Variants in PCDHGA12 observed in about 807,000 individuals in gnomAD.
PCDHGA12 encodes the protein protocadherin gamma subfamily A, 12, also known as protocadherin gamma-A12.
In PCDHGA12, 43 loss-of-function variants were observed where a neutral mutation model predicts 61.1. The observed-to-expected ratio is 0.70, with a 90% CI of 0.55 to 0.91. The LOEUF (loss-of-function observed/expected upper bound fraction) is 0.91, where lower values mean the gene tolerates loss of function less well. PCDHGA12 is among the 40% of genes least tolerant of loss of function. PCDHGA12 has a pLI of 0.00. For missense variants in PCDHGA12, 1,236 were observed against 1,227.7 expected, an observed-to-expected ratio of 1.01 and a Z score of -0.10; for synonymous variants, 520 against 542.9, an observed-to-expected ratio of 0.96 and a Z score of 0.59.
chr5:141,482,611 G>C (rs1016481108), intron 1 of PCDHGA12, among the ~76,000 whole-genome samples: 4 of 150,398 alleles, frequency 2.7e-5, no homozygotes, highest in Non-Finnish European at 5.9e-5. Context: ...ACACCTAAAT[G>C]AGCCTGGAGA....
intron 2 of PCDHGA12, 62 bp downstream of exon 2, chr5:141,494,927 G>C: frequency 6.2e-7 from 1 of 1,613,516 alleles, no homozygotes; most frequent in Non-Finnish European, 8.5e-7. Context: ...GATGACGTGG[G>C]AGGAGATGGG....
chr5:141,474,518 G>T (rs1054372142), intron 1 of PCDHGA12, among the ~76,000 whole-genome samples: 1 of 152,168 alleles, frequency 6.6e-6, no homozygotes, highest in African/African-American at 2.4e-5. Context: ...CCTCTTGCTG[G>T]TCTGGCTAAT....
At chr5:141,494,355 G>T (rs910437011) in intron 1 of PCDHGA12, among the ~76,000 whole-genome samples, 4 of 152,234 alleles carry the variant, frequency 2.6e-5, no homozygotes, top group African/African-American at 9.6e-5. Flanking sequence ...CCATCTTGCT[G>T]CAGAGGATGC....
chr5:141,489,427 C>G lies in PCDHGA12; in HGVS notation c.2425-5380C>G, dbSNP rs370540900. ...AAAGATGACAGATCTGTTGAGCCGG[C>G]GGCTGCAATTGGGCTCTGAGGAGAA... On this transcript the variant is annotated intron_variant, in intron 1 of 3. Transcript: ENST00000252085. The surrounding 1 kb of genome is among the most constrained non-coding windows in gnomAD (Gnocchi z 4.5). 6.2e-7 allele frequency: 1 copy of G among 1,614,108 alleles called. No homozygotes were observed. Among genetic ancestry groups the G allele is most frequent in the South Asian group, 1.1e-5 (1 of 91,086 alleles).
At position 141,491,687 on chromosome 5, in the gene PCDHGA12, G is replaced by T. The variant is rs946829558; in HGVS notation, c.2425-3120G>T. 6.2e-7 allele frequency: 1 copy of T among 1,613,072 alleles called. No individual in the cohort carries two copies. Among genetic ancestry groups the T allele is most frequent in the African/African-American group, 1.3e-5 (1 of 75,046 alleles). On this transcript the variant is annotated intron_variant, in intron 1 of 3. Transcript: ENST00000252085. This position sits in a 1 kb window ranked among gnomAD's most constrained non-coding sequence, Gnocchi z 6.9. ...ATCCGGTCCCGCTCTAATACGCTGC[G>T]GGAGCGGAGCCAGGTGAGGGGCTCG...
intron 2 of PCDHGA12, among the ~76,000 whole-genome samples, chr5:141,500,806 T>C (rs2099802700): frequency 6.6e-6 from 1 of 152,240 alleles, no homozygotes; most frequent in Non-Finnish European, 1.5e-5. Context: ...AGTCCTCATA[T>C]GAATATACAT....
intron 1 of PCDHGA12, among the ~76,000 whole-genome samples, chr5:141,466,735 T>C (rs2099128254): frequency 6.6e-6 from 1 of 152,224 alleles, no homozygotes; most frequent in South Asian, 2.1e-4. Context: ...GCAGAATTCA[T>C]GTTACTCTGA....
chr5:141,505,341 A>T, intron 2 of PCDHGA12, 52 bp from the exon 3 acceptor site: 1 of 1,612,728 alleles, frequency 6.2e-7, no homozygotes, highest in Non-Finnish European at 8.5e-7. Flanking sequence ...CAGGAGGGGC[A>T]TGAGCTGTGC....
At chr5:141,500,672 C>A (rs2099801937) in intron 2 of PCDHGA12, among the ~76,000 whole-genome samples, 1 of 152,156 alleles carries the variant, frequency 6.6e-6, no homozygotes, top group South Asian at 2.1e-4. Context: ...TACTGTCCAA[C>A]AGAATTATAG....
intron 1 of PCDHGA12, among the ~76,000 whole-genome samples, chr5:141,468,041 T>C (rs972340736): frequency 4.6e-5 from 7 of 152,120 alleles, no homozygotes; most frequent in Admixed American, 3.9e-4. Flanking sequence ...TTTAGAAAAC[T>C]AAGCCGGGCA....
intron 1 of PCDHGA12, among the ~76,000 whole-genome samples, chr5:141,472,980 C>CAAAAAAAAAAAAAAAAAGAAAAAA (rs2099309731): frequency 2.3e-5 from 2 of 86,106 alleles, no homozygotes; most frequent in Non-Finnish European, 5.0e-5. Flanking sequence ...GAGTGAAACT[C>CAAAAAAAAAAAAAAAAAGAAAAAA]AAAAAAAAAA....
chr5:141,509,273 C>T (rs1026035086), intron 3 of PCDHGA12, among the ~76,000 whole-genome samples: 1 of 152,098 alleles, frequency 6.6e-6, no homozygotes, highest in Admixed American at 6.5e-5. Flanking sequence ...CTCTCGCTAC[C>T]CGCTCCCAGG....
intron 3 of PCDHGA12, among the ~76,000 whole-genome samples, chr5:141,506,621 G>A (rs143369587): frequency 1.3e-5 from 2 of 152,178 alleles, no homozygotes; most frequent in African/African-American, 4.8e-5. Flanking sequence ...GTGTTACCAG[G>A]GCCAAATGCA....
At chr5:141,472,980 CAAA>C (rs60579131) in intron 1 of PCDHGA12, among the ~76,000 whole-genome samples, 10 of 86,092 alleles carry the variant, frequency 1.2e-4, no homozygotes, top group Non-Finnish European at 1.2e-4. Context: ...GAGTGAAACT[CAAA>C]AAAAAAAAAA....
chr5:141,478,415 C>G (rs182700706), intron 1 of PCDHGA12: 5 of 1,613,648 alleles, frequency 3.1e-6, no homozygotes, highest in Non-Finnish European at 4.2e-6. Context: ...CACGGACTCC[C>G]GCCGCAGCGA....
At chr5:141,468,330 C>CAAAAA (rs533390277) in intron 1 of PCDHGA12, 4 of 79,848 alleles carry the variant, frequency 5.0e-5, no homozygotes, top group African/African-American at 7.8e-5. Context: ...AACTCCATCT[C>CAAAAA]AAAAAAAAAA....
rs775081505 is a variant in PCDHGA12 at position 141,486,730 on chromosome 5, T to C, written c.2425-8077T>C. ...ACCCCCAGACAGGAGCTGTTCATGC[T>C]ACTCGATCCTTTGACTATGAGCAAA... On this transcript the variant is annotated intron_variant, in intron 1 of 3. Coordinates refer to ENST00000252085, the MANE Select transcript of PCDHGA12 (RefSeq NM_003735.3). This position sits in a 1 kb window ranked among gnomAD's most constrained non-coding sequence, Gnocchi z 5.0. 1 of 1,614,120 alleles carries C rather than the reference T, an allele frequency of 6.2e-7. No homozygotes were observed. Among genetic ancestry groups the C allele is most frequent in the Non-Finnish European group, 8.5e-7 (1 of 1,180,050 alleles).
intron 2 of PCDHGA12, among the ~76,000 whole-genome samples, chr5:141,503,088 C>T (rs1003234288): frequency 4.0e-5 from 6 of 151,864 alleles, no homozygotes; most frequent in Admixed American, 1.3e-4. Context: ...CTCCTGACCT[C>T]GTGGTCTGCC....
rs747132868 is a variant in PCDHGA12 at position 141,431,424 on chromosome 5, G to C, written c.665G>C (p.Arg222Pro). Reference protein sequence around the residue: ...LTASDGGDPVRTGTARIRVMV... With the variant: ...LTASDGGDPVPTGTARIRVMV... ...GCCTCCGACGGGGGCGACCCGGTGC[G>C]CACAGGCACCGCGCGCATCCGCGTG... Residue 222 changes from arginine (R) to proline (P), a missense_variant, in exon 1 of 4, where the codon CGC becomes CCC. By Grantham distance (103) the Arg-to-Pro change is moderately radical (BLOSUM62 -2). Coordinates refer to ENST00000252085, the MANE Select transcript of PCDHGA12 (RefSeq NM_003735.3). This position sits in a 1 kb window ranked among gnomAD's most constrained non-coding sequence, Gnocchi z 4.8. The C allele has an allele frequency of 6.2e-7, 1 of 1,613,558 alleles. No individual in the cohort carries two copies. The highest frequency in any genetic ancestry group is 1.1e-5 in the South Asian group (1 of 91,082).
Sources: gnomAD v4.1 joint callset for allele counts (sites outside exome capture counted in the v4.1 genomes callset) on GRCh38, gnomAD v4.1.1 for gene constraint, Gnocchi (gnomAD v3.1) non-coding constraint, MANE v1.5 for transcripts, NCBI Gene and HGNC (gene_info 2026-07-23, HGNC 2026-07-21) for gene names.